CDK19: variants seen among roughly 807,000 people sequenced by gnomAD.
The protein encoded by CDK19 is cyclin dependent kinase 19.
In CDK19, 20 loss-of-function variants were observed where a neutral mutation model predicts 68.3. That is an observed-to-expected ratio of 0.29 (90% confidence interval 0.21 to 0.43). The LOEUF (loss-of-function observed/expected upper bound fraction) is 0.43, where lower values mean the gene tolerates loss of function less well. Ranked by LOEUF, CDK19 falls within the 20% of genes least tolerant of loss-of-function variation. CDK19 has a pLI of 1.00. For synonymous variants in CDK19, 221 were observed against 222.8 expected (o/e 0.99, Z 0.07); for missense variants, 339 against 623.5 (o/e 0.54, Z 4.86).
intron 2 of CDK19, among the ~76,000 whole-genome samples, chr6:110,735,536 C>T (rs747448029): frequency 1.9e-4 from 29 of 151,990 alleles, no homozygotes; most frequent in Non-Finnish European, 2.9e-4. Context: ...GCCAAAAATC[C>T]CCCATTTTAG....
chr6:110,632,461 T>C (rs1562139709), intron 5 of CDK19, among the ~76,000 whole-genome samples: 1 of 152,214 alleles, frequency 6.6e-6, no homozygotes, highest in Non-Finnish European at 1.5e-5. Context: ...GCTGGTGGGG[T>C]GGCTCACACC....
rs1778680077 is a variant in CDK19 at position 110,621,086 on chromosome 6, T to C, written c.1377+18A>G. ...CCCACTTCATAAAGCATATGAACAT[T>C]AGACATTCAGGGAGTACCTGATAAT... On this transcript the variant is annotated intron_variant, in intron 12 of 12. Transcript: ENST00000368911. This position sits in a 1 kb window ranked among gnomAD's most constrained non-coding sequence, Gnocchi z 5.4. The C allele has an allele frequency of 1.2e-6, 2 of 1,602,160 alleles. No homozygotes were observed. The highest frequency in any genetic ancestry group is 1.7e-6 in the Non-Finnish European group (2 of 1,174,148).
At chr6:110,700,984 A>T (rs1021061788) in intron 2 of CDK19, 14 of 152,340 alleles carry the variant, frequency 9.2e-5, no homozygotes, top group African/African-American at 3.1e-4. Flanking sequence ...AGGCGGATGG[A>T]TCACAAGGTC....
At chr6:110,809,153 T>G (rs1273775532) in intron 1 of CDK19, among the ~76,000 whole-genome samples, 7 of 150,596 alleles carry the variant, frequency 4.6e-5, no homozygotes, top group African/African-American at 1.5e-4. Context: ...AGGCGCAGCT[T>G]GCAGTGAGCC....
intron 2 of CDK19, among the ~76,000 whole-genome samples, chr6:110,692,472 C>G (rs1773089085): frequency 6.6e-6 from 1 of 151,750 alleles, no homozygotes; most frequent in South Asian, 2.1e-4. Flanking sequence ...ACAAAGTCTC[C>G]AAGAAATATG....
chr6:110,626,662 C>A (rs1025468907), intron 8 of CDK19, 114 bp downstream of exon 8: 18 of 651,554 alleles, frequency 2.8e-5, no homozygotes, highest in Non-Finnish European at 3.8e-5. Context: ...TGACCTTGGA[C>A]TTTCCAGCCT....
Position 110,667,593 on chromosome 6 carries a change from CAT to C in CDK19, c.316-21_316-20del. Reference sequence around the variant, plus strand: ...TAATATGCTAAAAATTAAAAAAAAACATAATAATATAGTCTTTGCTAATATCT... The same window carrying C: ...TAATATGCTAAAAATTAAAAAAAAACAATAATATAGTCTTTGCTAATATCT... On this transcript the variant is annotated intron_variant, in intron 3 of 12. Coordinates refer to ENST00000368911, the MANE Select transcript of CDK19 (RefSeq NM_015076.5). 2 of 1,320,506 alleles carry C rather than the reference CAT, an allele frequency of 1.5e-6. No homozygotes were observed. Among genetic ancestry groups the C allele is most frequent in the Non-Finnish European group, 2.1e-6 (2 of 955,698 alleles). 81.8% of individuals were successfully genotyped at this position (1,320,506 alleles called of 1,614,324 possible).
chr6:110,648,566 A>C (rs1484267736), intron 4 of CDK19, among the ~76,000 whole-genome samples: 1 of 124,182 alleles, frequency 8.1e-6, no homozygotes, highest in East Asian at 2.6e-4. Flanking sequence ...TTTGAGAAGG[A>C]GTCTCGCTCT....
rs370171980 is a variant in CDK19 at position 110,814,997 on chromosome 6, C to T, written c.128+12G>A. On this transcript the variant is annotated intron_variant, in intron 1 of 12. Transcript: ENST00000368911. ...ACCCGAGCGAGCCTACTCCTCCCGC[C>T]CCTGCTCTTACCCATCTTTCCGCCT... 39 of 1,603,238 alleles carry T rather than the reference C, an allele frequency of 2.4e-5. 1 individual carries two copies. The South Asian group carries it at 3.2e-4, about 13-fold the overall frequency.
At chr6:110,734,558 T>TCTCTCTCTCTCTCTCTCTCTCTCC (rs1178464265) in intron 2 of CDK19, among the ~76,000 whole-genome samples, 1 of 149,830 alleles carries the variant, frequency 6.7e-6, no homozygotes, top group Non-Finnish European at 1.5e-5. Context: ...TCTCTCTCTC[T>TCTCTCTCTCTCTCTCTCTCTCTCC]CTCATGTCTG....
intron 2 of CDK19, among the ~76,000 whole-genome samples, chr6:110,673,628 C>T (rs1771209165): frequency 6.6e-6 from 1 of 151,872 alleles, no homozygotes; most frequent in South Asian, 2.1e-4. Context: ...TCAGAATACA[C>T]ACAACATTTA....
chr6:110,774,366 A>T (rs1780248483), intron 1 of CDK19, among the ~76,000 whole-genome samples: 1 of 152,176 alleles, frequency 6.6e-6, no homozygotes, highest in South Asian at 2.1e-4. Context: ...AGTACCAGAC[A>T]CCCTATACAC....
At chr6:110,774,295 T>TC (rs146090426) in intron 1 of CDK19, among the ~76,000 whole-genome samples, 4,115 of 152,218 alleles carry the variant, frequency 0.027, 78 homozygotes, top group South Asian at 0.071. Context: ...TATGCAGTAG[T>TC]CCCCCCTTAT....
At chr6:110,738,814 A>C (rs903432488) in intron 2 of CDK19, among the ~76,000 whole-genome samples, 1 of 150,872 alleles carries the variant, frequency 6.6e-6, no homozygotes, top group Non-Finnish European at 1.5e-5. Context: ...GATTCCACTG[A>C]AGTTTACAAA....
chr6:110,694,660 A>G (rs1257491285), intron 2 of CDK19, among the ~76,000 whole-genome samples: 1 of 152,210 alleles, frequency 6.6e-6, no homozygotes, highest in Non-Finnish European at 1.5e-5. Context: ...GACTTAACAG[A>G]TATTTACAGA....
chr6:110,692,059 G>T (rs540430954), intron 2 of CDK19, among the ~76,000 whole-genome samples: 37 of 151,876 alleles, frequency 2.4e-4, no homozygotes, highest in African/African-American at 8.9e-4. Flanking sequence ...ACTTCGGGAG[G>T]CCAAGGCGGG....
intron 1 of CDK19, among the ~76,000 whole-genome samples, chr6:110,782,006 C>T (rs1438224123): frequency 1.3e-5 from 2 of 152,102 alleles, no homozygotes; most frequent in African/African-American, 2.4e-5. Context: ...AAAGCTCATG[C>T]TATAATTACA....
chr6:110,623,879 G>A (rs563108513), intron 8 of CDK19, among the ~76,000 whole-genome samples: 23 of 113,524 alleles, frequency 2.0e-4, no homozygotes, highest in East Asian at 1.2e-3. Flanking sequence ...GTATATATAC[G>A]TATATATATA....
intron 2 of CDK19, among the ~76,000 whole-genome samples, chr6:110,678,488 A>C (rs1771720345): frequency 6.6e-6 from 1 of 152,186 alleles, no homozygotes; most frequent in Admixed American, 6.5e-5. Context: ...TTATTCAGGC[A>C]AAAACCTCAT....
Sources: gnomAD v4.1 joint callset for allele counts (sites outside exome capture counted in the v4.1 genomes callset) on GRCh38, gnomAD v4.1.1 for gene constraint, Gnocchi (gnomAD v3.1) non-coding constraint, MANE v1.5 for transcripts, NCBI Gene and HGNC (gene_info 2026-07-23, HGNC 2026-07-21) for gene names.